GALNT13: variants seen among roughly 807,000 people sequenced by gnomAD.
The protein encoded by GALNT13 is UDP-GalNAc:polypeptide N-acetylgalactosaminyltransferase 13.
GALNT13 carries 28 observed loss-of-function variants against 64.2 expected under a neutral mutation model. That is an observed-to-expected ratio of 0.44 (90% CI 0.32 to 0.60). GALNT13 has a LOEUF of 0.60. GALNT13 is among the 20% of genes least tolerant of loss of function. The probability of loss-of-function intolerance (pLI) is 0.05; values close to 1 mark genes in which losing one functional copy is unlikely to be tolerated. For missense variants in GALNT13, 577 were observed against 669.8 expected, an observed-to-expected ratio of 0.86 and a Z score of 1.53; for synonymous variants, 214 against 224.6, an observed-to-expected ratio of 0.95 and a Z score of 0.42.
chr2:154,044,441 T>C (rs141908576), intron 3 of GALNT13, among the ~76,000 whole-genome samples: 149 of 152,332 alleles, frequency 9.8e-4, no homozygotes, highest in African/African-American at 3.5e-3. Flanking sequence ...TGTAGCAAGA[T>C]GATGTTAGCT....
At chr2:154,409,167 A>G (rs749980552) in intron 11 of GALNT13, 85 bp downstream of exon 11, 2 of 841,148 alleles carry the variant, frequency 2.4e-6, no homozygotes, top group South Asian at 1.4e-5. Context: ...TCACATGTTA[A>G]TAACTATAAA....
chr2:153,170,532 T>G, the GALNT13 span, among the ~76,000 whole-genome samples: 1 of 152,150 alleles, frequency 6.6e-6, no homozygotes, highest in Non-Finnish European at 1.5e-5. Context: ...ATAGCAAAAT[T>G]TATAATTAAC....
the GALNT13 span, among the ~76,000 whole-genome samples, chr2:153,217,940 C>T: frequency 6.6e-6 from 1 of 152,140 alleles, no homozygotes; most frequent in African/African-American, 2.4e-5. Context: ...TAGTTTTATG[C>T]CTGCAGATGG....
intron 8 of GALNT13, among the ~76,000 whole-genome samples, chr2:154,292,206 G>A (rs966468663): frequency 6.6e-6 from 1 of 152,146 alleles, no homozygotes; most frequent in Non-Finnish European, 1.5e-5. Context: ...ACTGACTCAT[G>A]TTTAGGTGTA....
chr2:153,392,039 TTTATA>T, the GALNT13 span, among the ~76,000 whole-genome samples: 1 of 148,496 alleles, frequency 6.7e-6, no homozygotes, highest in Non-Finnish European at 1.5e-5. Flanking sequence ...ATATATGTGA[TTTATA>T]TAATATATGT....
intron 4 of GALNT13, among the ~76,000 whole-genome samples, chr2:154,187,964 C>T (rs906442865): frequency 1.3e-5 from 2 of 151,732 alleles, no homozygotes; most frequent in African/African-American, 4.8e-5. Context: ...GGTGATTTCA[C>T]AGAAAAAGTA....
At chr2:153,085,252 G>A in the GALNT13 span, among the ~76,000 whole-genome samples, 1 of 152,264 alleles carries the variant, frequency 6.6e-6, no homozygotes, top group South Asian at 2.1e-4. Context: ...GACAATGAGC[G>A]AGAAAAGAAA....
chr2:154,384,625 A>G (rs1285833002), intron 9 of GALNT13, among the ~76,000 whole-genome samples: 2 of 151,888 alleles, frequency 1.3e-5, no homozygotes, highest in Non-Finnish European at 2.9e-5. Context: ...ATGTATATAC[A>G]TAAAAATATA....
chr2:153,150,666 G>C, the GALNT13 span, among the ~76,000 whole-genome samples: 1 of 152,064 alleles, frequency 6.6e-6, no homozygotes, highest in South Asian at 2.1e-4. Context: ...GTAAGGAAGG[G>C]ATCCAGTTTC....
At chr2:153,630,801 A>ATATT in the GALNT13 span, among the ~76,000 whole-genome samples, 1 of 17,246 alleles carries the variant, frequency 5.8e-5, no homozygotes, top group Non-Finnish European at 1.1e-4. Context: ...ATATATATAT[A>ATATT]TATATATTTT....
chr2:153,513,836 C>T, the GALNT13 span, among the ~76,000 whole-genome samples: 2 of 152,236 alleles, frequency 1.3e-5, no homozygotes, highest in African/African-American at 2.4e-5. Flanking sequence ...TATAACTAAG[C>T]CTCCAGCTGC....
intron 3 of GALNT13, among the ~76,000 whole-genome samples, chr2:154,022,977 T>C (rs932817271): frequency 2.6e-5 from 4 of 152,222 alleles, no homozygotes; most frequent in South Asian, 2.1e-4. Flanking sequence ...CAGGAGCAGG[T>C]CGTTCAGATT....
At chr2:153,292,917 C>A in the GALNT13 span, among the ~76,000 whole-genome samples, 58 of 151,884 alleles carry the variant, frequency 3.8e-4, no homozygotes, top group African/African-American at 1.4e-3. Flanking sequence ...TTATGCTTAC[C>A]ACCTACATAT....
chr2:153,854,086 C>T, the GALNT13 span, among the ~76,000 whole-genome samples: 2 of 151,444 alleles, frequency 1.3e-5, no homozygotes, highest in South Asian at 2.1e-4. Context: ...AAAATGTAAG[C>T]GTTGTAAAGA....
intron 4 of GALNT13, among the ~76,000 whole-genome samples, chr2:154,171,155 A>G (rs1685324252): frequency 6.6e-6 from 1 of 152,152 alleles, no homozygotes; most frequent in African/African-American, 2.4e-5. Context: ...AATATTTTTC[A>G]GACCAAACAA....
At chr2:154,212,147 G>A (rs1220184847) in intron 4 of GALNT13, among the ~76,000 whole-genome samples, 1 of 152,144 alleles carries the variant, frequency 6.6e-6, no homozygotes, top group Non-Finnish European at 1.5e-5. Flanking sequence ...GAGACAGGAA[G>A]TGTAGGCAAC....
intron 9 of GALNT13, among the ~76,000 whole-genome samples, chr2:154,382,620 A>G (rs12998068): frequency 0.12 from 18,195 of 151,930 alleles, 1,137 homozygotes; most frequent in Non-Finnish European, 0.14. Flanking sequence ...TTCCACAGTT[A>G]ACAGTGCACA....
chr2:154,420,197 A>T (rs1258250228), intron 11 of GALNT13, among the ~76,000 whole-genome samples: 1 of 152,066 alleles, frequency 6.6e-6, no homozygotes, highest in Non-Finnish European at 1.5e-5. Context: ...TTCTTACTGA[A>T]AATGGGAATC....
At chr2:154,029,678 GA>G (rs542577888) in intron 3 of GALNT13, among the ~76,000 whole-genome samples, 214 of 151,952 alleles carry the variant, frequency 1.4e-3, no homozygotes, top group Non-Finnish European at 2.8e-3. Flanking sequence ...ACAATGGCAA[GA>G]AAAAAATGGG....
Sources: allele counts gnomAD v4.1 joint callset (sites outside exome capture counted in the v4.1 genomes callset), GRCh38; gene constraint gnomAD v4.1.1; transcripts MANE v1.5; gene names NCBI Gene and HGNC (gene_info 2026-07-23, HGNC 2026-07-21).